HDAC8: variants seen among roughly 807,000 people sequenced by gnomAD.
HDAC8 encodes histone deacetylase-like 1.
A neutral mutation model predicts 32.2 loss-of-function variants in HDAC8; 1 was observed. The ratio of observed to expected loss-of-function variants is 0.03; its 90% CI spans 0.01 to 0.15. The LOEUF (loss-of-function observed/expected upper bound fraction) is 0.15. Among genes scored for constraint, HDAC8 ranks in the 10% least tolerant of loss-of-function variants. The probability of loss-of-function intolerance (pLI) is 1.00; values close to 1 mark genes in which losing one functional copy is unlikely to be tolerated. For synonymous variants in HDAC8, 108 were observed against 113.9 expected (o/e 0.95, Z 0.33); for missense variants, 117 against 300.0 (o/e 0.39, Z 4.51).
chrX:72,339,323 G>A (rs1285553670), intron 10 of HDAC8, among the ~76,000 whole-genome samples: 1 of 112,486 alleles, frequency 8.9e-6, no homozygotes, highest in Non-Finnish European at 1.9e-5. Flanking sequence ...GTCACAGAGG[G>A]GATCAAGACA....
chrX:72,445,161 T>A (rs1294925505), intron 9 of HDAC8, among the ~76,000 whole-genome samples: 10 of 110,533 alleles, frequency 9.0e-5, no homozygotes, highest in Non-Finnish European at 1.3e-4. Context: ...ATGACTTTCC[T>A]CACAGAATTG....
chrX:72,512,553 T>C (rs1341146968), intron 4 of HDAC8, among the ~76,000 whole-genome samples: 5 of 112,038 alleles, frequency 4.5e-5, no homozygotes, highest in Non-Finnish European at 9.4e-5. Context: ...AGAGGACTTA[T>C]GATCTCATGT....
At chrX:72,461,283 G>T (rs1172080161) in intron 9 of HDAC8, among the ~76,000 whole-genome samples, 5 of 111,712 alleles carry the variant, frequency 4.5e-5, no homozygotes, top group Non-Finnish European at 9.4e-5. Flanking sequence ...AGGGGAACTG[G>T]GGTGATAGGT....
intron 4 of HDAC8, among the ~76,000 whole-genome samples, chrX:72,519,792 G>A (rs904105743): frequency 1.8e-5 from 2 of 111,086 alleles, no homozygotes; most frequent in East Asian, 2.8e-4. Context: ...GTTTCACCAC[G>A]TTGCCCAAGC....
At chrX:72,387,448 T>C (rs2045471137) in intron 9 of HDAC8, among the ~76,000 whole-genome samples, 1 of 111,788 alleles carries the variant, frequency 8.9e-6, no homozygotes, top group South Asian at 3.8e-4. Flanking sequence ...CCTCACTCCC[T>C]GCCGTCATCA....
At chrX:72,353,834 A>G (rs1459921100) in intron 9 of HDAC8, among the ~76,000 whole-genome samples, 1 of 111,985 alleles carries the variant, frequency 8.9e-6, no homozygotes, top group Non-Finnish European at 1.9e-5. Flanking sequence ...CGTGCTATAA[A>G]GATCAGGTGC....
intron 9 of HDAC8, among the ~76,000 whole-genome samples, chrX:72,357,935 C>T (rs191773230): frequency 0.011 from 1,170 of 110,062 alleles, 15 homozygotes; most frequent in African/African-American, 0.036. Context: ...GACGGAGTCT[C>T]GCTCTTTTGC....
intron 4 of HDAC8, among the ~76,000 whole-genome samples, chrX:72,505,356 GA>G (rs1206123392): frequency 2.7e-5 from 3 of 111,397 alleles, no homozygotes; most frequent in Non-Finnish European, 5.6e-5. Flanking sequence ...AGTGACTATA[GA>G]GAGAAATTTT....
chrX:72,348,599 C>T (rs1369923723), intron 10 of HDAC8, among the ~76,000 whole-genome samples: 2 of 111,918 alleles, frequency 1.8e-5, no homozygotes, highest in Admixed American at 9.5e-5. Context: ...TTGTGTGTTC[C>T]GCTAAATTTG....
rs1411324714 is a variant in HDAC8, at chrX:72,472,208, C to T, written c.738-7477G>A. ...TCAGCCTCCCAAGTAGCTGGGACTA[C>T]AGGCGCCCGCCACTATGCCCGGCTA... On this transcript the variant is annotated intron_variant, in intron 7 of 10. Coordinates refer to ENST00000373573, the MANE Select transcript of HDAC8 (RefSeq NM_018486.3). Among the ~76,000 whole-genome samples the T allele has an allele frequency of 2.8e-5, 3 of 106,623 alleles. No homozygotes were observed. In the Admixed American group the frequency reaches 3.0e-4, roughly 11 times the overall value. 92.6% of individuals were successfully genotyped at this position (106,623 alleles called of 115,157 possible). A position where few individuals can be genotyped will look rare whatever the true frequency, so the allele number is the denominator to read the frequency against.
At position 72,351,842 on chromosome X, in the gene HDAC8, T is replaced by C. The variant is rs782450189; in HGVS notation, c.1006-4A>G. The C allele has an allele frequency of 2.6e-5, 31 of 1,181,396 alleles. No homozygotes were observed. In the East Asian group the frequency reaches 8.9e-4, roughly 34 times the overall value. ...CAGGACCATATGCTGTGAAAAACTGTAAGGAAAAGGGAAAGGCCAAAAAAC... is the reference window on the plus strand; with the variant it reads ...CAGGACCATATGCTGTGAAAAACTGCAAGGAAAAGGGAAAGGCCAAAAAAC... On this transcript the variant is annotated splice_region_variant and splice_polypyrimidine_tract_variant and intron_variant, in intron 9 of 10. Transcript: ENST00000373573.
intron 7 of HDAC8, among the ~76,000 whole-genome samples, chrX:72,478,597 T>C (rs1423823767): frequency 9.0e-6 from 1 of 111,475 alleles, no homozygotes; most frequent in Non-Finnish European, 1.9e-5. Context: ...CTTTTGCTTA[T>C]TAACTTGTTA....
intron 4 of HDAC8, among the ~76,000 whole-genome samples, chrX:72,565,689 C>A (rs1039156867): frequency 1.8e-5 from 2 of 111,847 alleles, no homozygotes; most frequent in Non-Finnish European, 3.8e-5. Context: ...TAGAAGCAAG[C>A]CTTTTCTATG....
intron 4 of HDAC8, among the ~76,000 whole-genome samples, chrX:72,557,889 A>G (rs1391036371): frequency 8.9e-6 from 1 of 112,116 alleles, no homozygotes; most frequent in Non-Finnish European, 1.9e-5. Context: ...TCAAGTAGAA[A>G]TGAAATGGGA....
At chrX:72,530,614 C>T (rs1193635258) in intron 4 of HDAC8, among the ~76,000 whole-genome samples, 1 of 110,878 alleles carries the variant, frequency 9.0e-6, no homozygotes, top group African/African-American at 3.3e-5. Flanking sequence ...CTTGAGAACG[C>T]TGAGCAGGAG....
chrX:72,460,081 T>C (rs1211509030), intron 9 of HDAC8, among the ~76,000 whole-genome samples: 1 of 112,132 alleles, frequency 8.9e-6, no homozygotes, highest in Non-Finnish European at 1.9e-5. Context: ...GACATAGTCA[T>C]AAATGTCTGG....
In HDAC8 at chrX:72,400,394, C is replaced by T. The variant is rs782638043; in HGVS notation, c.1006-48556G>A. On this transcript the variant is annotated intron_variant, in intron 9 of 10. Coordinates refer to ENST00000373573, the MANE Select transcript of HDAC8 (RefSeq NM_018486.3). ...CAACTCAACATGTCCAAACTGAACT[C>T]TTTATCATCTGAAACTGCACCTCCC... Among the ~76,000 whole-genome samples, 60 of 111,899 alleles carry T rather than the reference C, an allele frequency of 5.4e-4. No homozygotes were observed. The Middle Eastern group carries it at 0.023, about 43-fold the overall frequency.
chrX:72,390,634 G>C (rs967967332), intron 9 of HDAC8, among the ~76,000 whole-genome samples: 1 of 111,645 alleles, frequency 9.0e-6, no homozygotes, highest in Non-Finnish European at 1.9e-5. Flanking sequence ...GTGGCCACCA[G>C]AAAAGTGTAG....
chrX:72,408,334 C>T (rs1224799719), intron 9 of HDAC8, among the ~76,000 whole-genome samples: 2 of 111,416 alleles, frequency 1.8e-5, no homozygotes, highest in African/African-American at 6.5e-5. Flanking sequence ...ATTGAGAAAG[C>T]AACAACTGAG....
Sources: gnomAD v4.1 joint callset for allele counts (sites outside exome capture counted in the v4.1 genomes callset) on GRCh38, gnomAD v4.1.1 for gene constraint, MANE v1.5 for transcripts, NCBI Gene and HGNC (gene_info 2026-07-23, HGNC 2026-07-21) for gene names.